Variants in CCDC180 observed in about 807,000 individuals in gnomAD.
The protein encoded by CCDC180 is coiled-coil domain-containing protein 180.
In CCDC180, 154 loss-of-function variants were observed where a neutral mutation model predicts 209.2. The observed-to-expected ratio is 0.74, with a 90% CI of 0.65 to 0.84. The LOEUF (loss-of-function observed/expected upper bound fraction) is 0.84. Among genes scored for constraint, CCDC180 ranks in the 40% least tolerant of loss-of-function variants. The probability of loss-of-function intolerance (pLI) is 0.00; values close to 1 mark genes in which losing one functional copy is unlikely to be tolerated. For missense variants in CCDC180, 1,874 were observed against 1,997.3 expected (o/e 0.94, Z 1.18); for synonymous variants, 778 against 749.1 (o/e 1.04, Z -0.63).
intron 13 of CCDC180, 68 bp downstream of exon 13, chr9:97,323,971 G>A (rs895741305): frequency 1.3e-6 from 2 of 1,519,150 alleles, no homozygotes; most frequent in Non-Finnish European, 1.8e-6. Context: ...TTGCTGGGCT[G>A]TAGGGAGAGT....
intron 21 of CCDC180, 78 bp downstream of exon 21, chr9:97,349,369 C>T: frequency 7.7e-7 from 1 of 1,305,384 alleles, no homozygotes; most frequent in Non-Finnish European, 1.0e-6. Flanking sequence ...AAAGGAGCCC[C>T]CCTCCCTGTA....
At position 97,326,617 on chromosome 9, in the gene CCDC180, C is replaced by T; in HGVS notation, c.1609C>T (p.Leu537=). Residue 537 remains leucine, a synonymous_variant, in exon 15 of 37, where the codon CTG becomes TTG. Coordinates refer to ENST00000529487, the MANE Select transcript of CCDC180 (RefSeq NM_020893.6). Reference sequence around the variant, plus strand: ...GAGGCAGCAAAGTGACAAAGAAACACTGGCGTTTCACCTGGAAAAGGTCAA... The same window carrying T: ...GAGGCAGCAAAGTGACAAAGAAACATTGGCGTTTCACCTGGAAAAGGTCAA... The part of the protein sequence containing the change: ...QLRQQSDKET[L]AFHLEKVKDY... 6.2e-7 allele frequency: 1 copy of T among 1,614,060 alleles called. No homozygotes were observed. The highest frequency in any genetic ancestry group is 8.5e-7 in the Non-Finnish European group (1 of 1,179,908).
chr9:97,373,666 G>A (rs991642155), intron 34 of CCDC180: 1 of 152,230 alleles, frequency 6.6e-6, no homozygotes, highest in Non-Finnish European at 1.5e-5. Flanking sequence ...ATTGAACTTT[G>A]GACCATTTCC....
chr9:97,373,874 G>C (rs114268245), intron 34 of CCDC180: 1 of 152,206 alleles, frequency 6.6e-6, no homozygotes, highest in Non-Finnish European at 1.5e-5. Flanking sequence ...TGCTGGGGTC[G>C]AGACCCCAGG....
intron 13 of CCDC180, among the ~76,000 whole-genome samples, chr9:97,324,472 A>G (rs1833464010): frequency 6.6e-6 from 1 of 152,260 alleles, no homozygotes; most frequent in South Asian, 2.1e-4. Context: ...AAACTGGAAT[A>G]TCTGTGTGTA....
In CCDC180 at chr9:97,330,394, C is replaced by T; in HGVS notation, c.1901C>T (p.Thr634Ile). ...RKKQGSKEDM[T>I]RSEESISSGT... ...AAGCAAGGGTCTAAAGAGGACATGA[C>T]CAGAAGTGAGGAAAGCATAAGTAGT... The change falls in exon 18 of 37, where the codon ACC becomes ATC. Residue 634 changes from threonine (T) to isoleucine (I), a missense_variant. Thr to Ile is a moderately conservative substitution (Grantham distance 89, BLOSUM62 -1). Coordinates refer to ENST00000529487, the MANE Select transcript of CCDC180 (RefSeq NM_020893.6). The T allele has an allele frequency of 6.2e-7, 1 of 1,613,950 alleles. No individual in the cohort carries two copies. Among genetic ancestry groups the T allele is most frequent in the Non-Finnish European group, 8.5e-7 (1 of 1,179,978 alleles).
chr9:97,320,013 T>G (rs528956724), intron 10 of CCDC180, 113 bp from the exon 11 acceptor site: 2 of 821,724 alleles, frequency 2.4e-6, no homozygotes, highest in Non-Finnish European at 4.3e-6. Flanking sequence ...CCCTTTGTTC[T>G]TCAGTGTTTA....
chr9:97,375,621 G>T (rs746746358), intron 36 of CCDC180, 32 bp downstream of exon 36: 6 of 1,613,524 alleles, frequency 3.7e-6, no homozygotes, highest in Non-Finnish European at 5.1e-6. Flanking sequence ...GTGTCCCAGG[G>T]AGCACAGCTC....
rs1412260302 is a variant in CCDC180 at position 97,354,915 on chromosome 9, T to G, written c.3171T>G (p.Phe1057Leu). ...AGGCCAATGATGTCATCAACAAGTT[T>G]GAAAGCAAATTCCATAACCTGTCTG... ...LDQANDVINK[F>L]ESKFHNLSVD... Residue 1057 changes from phenylalanine to leucine, a missense_variant, in exon 24 of 37, where the codon TTT becomes TTG. By Grantham distance (22) the Phe-to-Leu change is conservative. Coordinates refer to ENST00000529487, the MANE Select transcript of CCDC180 (RefSeq NM_020893.6). 7 of 1,613,926 alleles carry G rather than the reference T, an allele frequency of 4.3e-6. No individual in the cohort carries two copies. The highest frequency in any genetic ancestry group is 5.1e-6 in the Non-Finnish European group (6 of 1,179,838).
chr9:97,315,739 C>T (rs1035800500), intron 8 of CCDC180, among the ~76,000 whole-genome samples: 3 of 152,174 alleles, frequency 2.0e-5, no homozygotes, highest in Admixed American at 2.0e-4. Context: ...ATGTCAGCTC[C>T]ATGGCGACCC....
At chr9:97,347,557 C>T (rs568865888) in intron 20 of CCDC180, 68 bp downstream of exon 20, 2 of 1,440,948 alleles carry the variant, frequency 1.4e-6, no homozygotes, top group South Asian at 2.6e-5. Flanking sequence ...TCCACCGCGG[C>T]TCCATGTTCA....
chr9:97,370,154 G>T (rs1263824153), intron 32 of CCDC180, 72 bp downstream of exon 32: 6 of 1,524,646 alleles, frequency 3.9e-6, no homozygotes, highest in Non-Finnish European at 4.4e-6. Context: ...GTGGCAGGTT[G>T]TGGGCAGGGC....
chr9:97,328,446 A>C (rs1222797142), intron 16 of CCDC180, among the ~76,000 whole-genome samples: 2 of 152,002 alleles, frequency 1.3e-5, no homozygotes, highest in East Asian at 3.9e-4. Context: ...ATTCTCCTAA[A>C]ATATAGCTTT....
chr9:97,319,066 G>A (rs1227751958), intron 10 of CCDC180, among the ~76,000 whole-genome samples: 1 of 152,116 alleles, frequency 6.6e-6, no homozygotes, highest in Non-Finnish European at 1.5e-5. Flanking sequence ...TATTCAGTGG[G>A]GTGCCCACTG....
At chr9:97,314,227 T>G (rs1272471856) in intron 5 of CCDC180, among the ~76,000 whole-genome samples, 166 bp from the exon 6 acceptor site, 1 of 152,226 alleles carries the variant, frequency 6.6e-6, no homozygotes, top group African/African-American at 2.4e-5. Flanking sequence ...GCGCAGAGCG[T>G]GTGGCGTGGT....
intron 28 of CCDC180, chr9:97,363,405 TG>T (rs1826822594): frequency 3.7e-6 from 1 of 268,144 alleles, no homozygotes; most frequent in Non-Finnish European, 8.0e-6. Context: ...GGAGATAAGG[TG>T]GGGGTGGCCT....
rs779112642 is a variant in CCDC180, at chr9:97,354,892, G to A, written c.3148G>A (p.Ala1050Thr). 2 of 1,608,268 alleles carry A rather than the reference G, an allele frequency of 1.2e-6. No homozygotes were observed. The highest frequency in any genetic ancestry group is 3.3e-5 in the Admixed American group (2 of 60,018). Reference sequence around the variant, plus strand: ...CTTTACCCTTTATCTCTCTGTACAGGCCAATGATGTCATCAACAAGTTTGA... The same window carrying A: ...CTTTACCCTTTATCTCTCTGTACAGACCAATGATGTCATCAACAAGTTTGA... Reference protein sequence around the residue: ...EKLENEYLDQANDVINKFESK... With the variant: ...EKLENEYLDQTNDVINKFESK... The change falls in exon 24 of 37, where the codon GCC becomes ACC. Residue 1050 changes from alanine (A) to threonine (T), a missense_variant and splice_region_variant. Transcript: ENST00000529487.
At chr9:97,374,699 G>A in intron 35 of CCDC180, 51 bp downstream of exon 35, 1 of 1,455,706 alleles carries the variant, frequency 6.9e-7, no homozygotes, top group Non-Finnish European at 9.6e-7. Context: ...ATCTGCTGGG[G>A]GTGGTGCAGT....
At chr9:97,372,997 G>GA (rs1827146699) in intron 34 of CCDC180, 2 of 152,168 alleles carry the variant, frequency 1.3e-5, no homozygotes, top group African/African-American at 2.4e-5. Flanking sequence ...GCTGTTGTGT[G>GA]AAAAAACAAA....
Sources: gnomAD v4.1 joint callset for allele counts (sites outside exome capture counted in the v4.1 genomes callset) on GRCh38, gnomAD v4.1.1 for gene constraint, MANE v1.5 for transcripts, NCBI Gene and HGNC (gene_info 2026-07-23, HGNC 2026-07-21) for gene names.